The following ITIH5 variants were observed in gnomAD, a reference collection of about 807,000 sequenced individuals.
ITIH5 encodes inter-alpha-trypsin inhibitor heavy chain 5.
In ITIH5, 65 loss-of-function variants were observed where a neutral mutation model predicts 77.5. The ratio of observed to expected loss-of-function variants is 0.84; its 90% CI spans 0.69 to 1.03. The LOEUF (loss-of-function observed/expected upper bound fraction) is 1.03, where lower values mean the gene tolerates loss of function less well. Ranked by LOEUF, ITIH5 falls within the 50% of genes least tolerant of loss-of-function variation. The pLI, the probability that ITIH5 is intolerant of heterozygous loss-of-function variation, is 0.00. For missense variants in ITIH5, 1,208 were observed against 1,213.1 expected (o/e 1.00, Z 0.06); for synonymous variants, 525 against 494.3 (o/e 1.06, Z -0.82).
At chr10:7,658,307 C>T (rs959093194) in intron 1 of ITIH5, among the ~76,000 whole-genome samples, 1 of 152,134 alleles carries the variant, frequency 6.6e-6, no homozygotes, top group East Asian at 1.9e-4. Context: ...ATCTCCCCAC[C>T]CAAAATATAT....
At chr10:7,632,417 A>G (rs1833727648) in intron 5 of ITIH5, among the ~76,000 whole-genome samples, 2 of 152,134 alleles carry the variant, frequency 1.3e-5, no homozygotes, top group Non-Finnish European at 2.9e-5. Context: ...TCATTAAATT[A>G]TACACTTCAA....
chr10:7,638,968 T>C (rs1833841996), intron 4 of ITIH5, among the ~76,000 whole-genome samples: 2 of 152,304 alleles, frequency 1.3e-5, no homozygotes, highest in South Asian at 4.1e-4. Flanking sequence ...GTTATGTGTC[T>C]CGCTAGATGT....
At chr10:7,596,490 G>C (rs1471766141) in intron 7 of ITIH5, among the ~76,000 whole-genome samples, 1 of 152,070 alleles carries the variant, frequency 6.6e-6, no homozygotes, top group African/African-American at 2.4e-5. Flanking sequence ...GACACAAAAG[G>C]CTCTTGTGCC....
intron 2 of ITIH5, among the ~76,000 whole-genome samples, chr10:7,643,867 C>T (rs889693337): frequency 2.6e-5 from 4 of 152,176 alleles, no homozygotes; most frequent in Non-Finnish European, 5.9e-5. Context: ...AAAATGTTTG[C>T]GTGAAATCAC....
At chr10:7,647,878 A>T (rs940773895) in intron 2 of ITIH5, among the ~76,000 whole-genome samples, 1 of 152,142 alleles carries the variant, frequency 6.6e-6, no homozygotes, top group Non-Finnish European at 1.5e-5. Flanking sequence ...ACTTTGCCAG[A>T]TCACACAGGT....
chr10:7,644,859 A>G lies in ITIH5; in HGVS notation c.136-2769T>C, dbSNP rs1833977982. Among the ~76,000 whole-genome samples, 5 of 133,592 alleles carry G rather than the reference A, an allele frequency of 3.7e-5. No homozygotes were observed. In the South Asian group the frequency reaches 9.0e-4, roughly 24 times the overall value. 87.6% of individuals were successfully genotyped at this position (133,592 alleles called of 152,430 possible). A position where few individuals can be genotyped will look rare whatever the true frequency, so the allele number is the denominator to read the frequency against. ...TATATCACATATATATCACATATGT[A>G]TCACATATATATCACATATATATAT... On this transcript the variant is annotated intron_variant, in intron 2 of 13. Transcript: ENST00000397146.
chr10:7,666,721 C>A, intron 1 of ITIH5, 82 bp downstream of exon 1: 1 of 1,156,426 alleles, frequency 8.6e-7, no homozygotes, highest in Non-Finnish European at 1.2e-6. Flanking sequence ...CGAAGGGGGC[C>A]CGGGCAGAAG....
intron 5 of ITIH5, among the ~76,000 whole-genome samples, chr10:7,634,067 C>A (rs541611481): frequency 8.5e-6 from 1 of 118,154 alleles, no homozygotes; most frequent in Non-Finnish European, 1.6e-5. Context: ...CCAGCCTGGG[C>A]GACAGAGCAA....
rs770513437 is a variant in ITIH5 at position 7,566,422 on chromosome 10, G to A, written c.2150-15C>T. On this transcript the variant is annotated splice_polypyrimidine_tract_variant and intron_variant, in intron 12 of 13. Transcript: ENST00000397146. ...CACTGTGACACCTCAAAGGCCAAGG[G>A]GAAAAGAAGAAGGTTAGAAAATCTG... 8 of 1,579,110 alleles carry A rather than the reference G, an allele frequency of 5.1e-6. No individual in the cohort carries two copies. The South Asian group carries it at 6.9e-5, about 14-fold the overall frequency.
intron 7 of ITIH5, among the ~76,000 whole-genome samples, chr10:7,612,713 C>CCTAGGA (rs1833274690): frequency 6.7e-6 from 1 of 150,140 alleles, no homozygotes; most frequent in Non-Finnish European, 1.5e-5. Context: ...TTCATAGGTA[C>CCTAGGA]CTAGGAATTA....
chr10:7,651,103 T>C (rs12411996), intron 2 of ITIH5, among the ~76,000 whole-genome samples: 1 of 152,036 alleles, frequency 6.6e-6, no homozygotes, highest in African/African-American at 2.4e-5. Context: ...CTACCTGCTG[T>C]ATTGACTGTA....
chr10:7,573,122 A>C lies in ITIH5; in HGVS notation c.2032+20T>G, dbSNP rs1179578456. The C allele has an allele frequency of 6.2e-7, 1 of 1,609,992 alleles. No homozygotes were observed. Among genetic ancestry groups the C allele is most frequent in the East Asian group, 2.2e-5 (1 of 44,850 alleles). On this transcript the variant is annotated intron_variant, in intron 11 of 13. Transcript: ENST00000397146. The stretch of plus-strand genomic sequence containing the variant: ...CATCTCTTACTCTCAATCCACACAC[A>C]ACCGCATCCTTTGCTTTACCTGATG...
At chr10:7,583,782 G>C (rs1832616524) in intron 8 of ITIH5, among the ~76,000 whole-genome samples, 1 of 152,172 alleles carries the variant, frequency 6.6e-6, no homozygotes, top group African/African-American at 2.4e-5. Context: ...CACAGGCAGA[G>C]GGACGGATTA....
chr10:7,641,760 A>G (rs1046719279), intron 3 of ITIH5, among the ~76,000 whole-genome samples, 167 bp downstream of exon 3: 5 of 151,976 alleles, frequency 3.3e-5, no homozygotes, highest in African/African-American at 9.7e-5. Context: ...GAATGAATGA[A>G]TGAATGAACC....
chr10:7,559,956 A>G lies in ITIH5; in HGVS notation c.*3127T>C, dbSNP rs746414239. 2.1e-5 allele frequency: 9 copies of G among 419,810 alleles called. No individual in the cohort carries two copies. Among genetic ancestry groups the G allele is most frequent in the Non-Finnish European group, 3.8e-5 (8 of 212,006 alleles). The allele number at this position is 419,810 out of a possible 1,614,324, so 26.0% of individuals were successfully genotyped here. On this transcript the variant is annotated 3_prime_UTR_variant, in exon 14 of 14. Coordinates refer to ENST00000397146, the MANE Select transcript of ITIH5 (RefSeq NM_030569.7). Reference sequence around the variant, plus strand: ...AAGTTCCGACTGCCTGGTTCAAGCGATTCTCCTGCCTCAGCCTCCCAAGTA... The same window carrying G: ...AAGTTCCGACTGCCTGGTTCAAGCGGTTCTCCTGCCTCAGCCTCCCAAGTA...
chr10:7,654,285 C>G (rs1834146105), intron 2 of ITIH5, among the ~76,000 whole-genome samples: 1 of 152,202 alleles, frequency 6.6e-6, no homozygotes, highest in South Asian at 2.1e-4. Flanking sequence ...GTCATCATCT[C>G]AATTATCAGT....
At chr10:7,657,553 C>T (rs989328284) in intron 1 of ITIH5, among the ~76,000 whole-genome samples, 1 of 152,158 alleles carries the variant, frequency 6.6e-6, no homozygotes, top group Non-Finnish European at 1.5e-5. Context: ...CTAAAATGCC[C>T]TGAAAATGTG....
At chr10:7,657,434 A>T (rs1834206854) in intron 1 of ITIH5, among the ~76,000 whole-genome samples, 1 of 152,146 alleles carries the variant, frequency 6.6e-6, no homozygotes, top group South Asian at 2.1e-4. Flanking sequence ...CTTTTAATTT[A>T]TAAATTCTAC....
chr10:7,636,276 T>G (rs903367304), intron 5 of ITIH5, among the ~76,000 whole-genome samples: 7 of 152,172 alleles, frequency 4.6e-5, no homozygotes, highest in African/African-American at 1.7e-4. Context: ...TTGAGAAAAT[T>G]TAAAAATCAG....
Sources: allele counts gnomAD v4.1 joint callset (sites outside exome capture counted in the v4.1 genomes callset), GRCh38; gene constraint gnomAD v4.1.1; transcripts MANE v1.5; gene names NCBI Gene and HGNC (gene_info 2026-07-23, HGNC 2026-07-21).